NEK11: variants seen among roughly 807,000 people sequenced by gnomAD.
NEK11 encodes the protein NIMA related kinase 11, also known as serine/threonine-protein kinase Nek11.
A neutral mutation model predicts 80.7 loss-of-function variants in NEK11; 72 were observed. That is an observed-to-expected ratio of 0.89 (90% CI 0.74 to 1.08). NEK11 has a LOEUF of 1.08. Ranked by LOEUF, NEK11 falls within the 50% of genes least tolerant of loss-of-function variation. The pLI, the probability that NEK11 is intolerant of heterozygous loss-of-function variation, is 0.00. For synonymous variants in NEK11, 251 were observed against 260.7 expected (o/e 0.96, Z 0.36); for missense variants, 764 against 763.6 (o/e 1.00, Z -0.01).
chr3:131,163,028 T>G (rs539100655), intron 11 of NEK11, among the ~76,000 whole-genome samples: 1 of 152,196 alleles, frequency 6.6e-6, no homozygotes, highest in Admixed American at 6.5e-5. Flanking sequence ...CTCAGGGCGA[T>G]GTTGCTGGTG....
intron 5 of NEK11, among the ~76,000 whole-genome samples, chr3:131,115,445 G>C (rs1050192660): frequency 2.0e-5 from 3 of 152,068 alleles, no homozygotes; most frequent in African/African-American, 7.2e-5. Flanking sequence ...AGAAGACCCT[G>C]GAAACACTAA....
intron 17 of NEK11, among the ~76,000 whole-genome samples, chr3:131,324,877 C>T (rs1331520960): frequency 6.6e-6 from 1 of 152,178 alleles, no homozygotes; most frequent in Non-Finnish European, 1.5e-5. Context: ...TGGTACCTTA[C>T]AGGGATTTAA....
intron 15 of NEK11, among the ~76,000 whole-genome samples, chr3:131,232,871 G>T (rs540361452): frequency 9.2e-5 from 14 of 152,186 alleles, no homozygotes; most frequent in East Asian, 5.8e-4. Context: ...TGCATGCTGT[G>T]TCAGTTCAGG....
intron 11 of NEK11, among the ~76,000 whole-genome samples, chr3:131,164,876 T>A (rs1461850732): frequency 6.6e-6 from 1 of 152,192 alleles, no homozygotes; most frequent in African/African-American, 2.4e-5. Flanking sequence ...AACCTGAGTA[T>A]AAATTAGCCC....
At chr3:131,215,428 A>AT (rs930810788) in intron 14 of NEK11, among the ~76,000 whole-genome samples, 1 of 152,122 alleles carries the variant, frequency 6.6e-6, no homozygotes, top group African/African-American at 2.4e-5. Flanking sequence ...ATAACAAAAA[A>AT]ATATATAAAA....
At chr3:131,290,642 C>G (rs1488840480) in intron 17 of NEK11, among the ~76,000 whole-genome samples, 2 of 152,194 alleles carry the variant, frequency 1.3e-5, no homozygotes, top group Non-Finnish European at 2.9e-5. Context: ...CTGCCAGACT[C>G]TCTGTGACCC....
intron 3 of NEK11, among the ~76,000 whole-genome samples, chr3:131,050,258 C>T (rs1246465541): frequency 1.3e-5 from 2 of 152,200 alleles, no homozygotes; most frequent in Non-Finnish European, 2.9e-5. Context: ...AACAGATCAT[C>T]AGGAGATTGC....
intron 14 of NEK11, among the ~76,000 whole-genome samples, chr3:131,184,102 CA>C (rs2093494280): frequency 6.6e-6 from 1 of 152,158 alleles, no homozygotes; most frequent in Non-Finnish European, 1.5e-5. Flanking sequence ...TCTCTCAGCT[CA>C]AAATTCCATC....
At chr3:131,071,873 T>A (rs1168927485) in intron 3 of NEK11, among the ~76,000 whole-genome samples, 3 of 152,186 alleles carry the variant, frequency 2.0e-5, no homozygotes, top group Non-Finnish European at 2.9e-5. Flanking sequence ...TCTAAGTAAG[T>A]AAGACATAGC....
chr3:131,094,578 C>T (rs912877516), intron 4 of NEK11, among the ~76,000 whole-genome samples: 6 of 152,106 alleles, frequency 3.9e-5, no homozygotes, highest in Non-Finnish European at 7.4e-5. Flanking sequence ...GTGAAATGAG[C>T]GCCTCTACCA....
intron 16 of NEK11, among the ~76,000 whole-genome samples, chr3:131,245,466 AC>A (rs1484704915): frequency 1.3e-5 from 2 of 152,092 alleles, no homozygotes; most frequent in Non-Finnish European, 2.9e-5. Flanking sequence ...TTGGGTATAT[AC>A]CCAGTAGTGG....
At chr3:131,238,608 AC>A (rs1363889626) in intron 15 of NEK11, among the ~76,000 whole-genome samples, 1 of 152,080 alleles carries the variant, frequency 6.6e-6, no homozygotes, top group African/African-American at 2.4e-5. Context: ...CTAGAGATTG[AC>A]TTTTCAGCCA....
intron 17 of NEK11, among the ~76,000 whole-genome samples, chr3:131,303,735 G>T (rs533695216): frequency 1.3e-5 from 2 of 152,188 alleles, no homozygotes; most frequent in Non-Finnish European, 1.5e-5. Flanking sequence ...AGCCTGATGG[G>T]GTTCCCTTCG....
chr3:131,080,888 T>C (rs1428878677), intron 4 of NEK11, among the ~76,000 whole-genome samples: 1 of 152,104 alleles, frequency 6.6e-6, no homozygotes, highest in South Asian at 2.1e-4. Flanking sequence ...AGTGAGAGGA[T>C]TGCTAATCCA....
At chr3:131,196,080 T>G (rs2093999089) in intron 14 of NEK11, among the ~76,000 whole-genome samples, 2 of 151,782 alleles carry the variant, frequency 1.3e-5, no homozygotes, top group Non-Finnish European at 2.9e-5. Flanking sequence ...GAAAAATGAT[T>G]ATTAGTACAA....
chr3:131,063,076 G>T (rs1479314622), intron 3 of NEK11, among the ~76,000 whole-genome samples: 2 of 152,208 alleles, frequency 1.3e-5, no homozygotes, highest in African/African-American at 4.8e-5. Flanking sequence ...CCAGGCTAGA[G>T]TGCAGTGGCA....
intron 14 of NEK11, among the ~76,000 whole-genome samples, chr3:131,199,414 CAG>C (rs1200082634): frequency 6.6e-6 from 1 of 151,930 alleles, no homozygotes; most frequent in South Asian, 2.1e-4. Flanking sequence ...ATTTACAAGA[CAG>C]AATATACAAT....
At chr3:131,163,830 CA>C (rs1307264731) in intron 11 of NEK11, among the ~76,000 whole-genome samples, 1 of 152,012 alleles carries the variant, frequency 6.6e-6, no homozygotes, top group Non-Finnish European at 1.5e-5. Flanking sequence ...TGAAAAAATA[CA>C]TGTATAAAAA....
At chr3:131,040,266 A>G (rs1009516179) in intron 3 of NEK11, among the ~76,000 whole-genome samples, 1 of 152,072 alleles carries the variant, frequency 6.6e-6, no homozygotes, top group Non-Finnish European at 1.5e-5. Context: ...ACTTATTAGT[A>G]CAGTAGTGCT....
Sources: allele counts gnomAD v4.1 joint callset (sites outside exome capture counted in the v4.1 genomes callset), GRCh38; gene constraint gnomAD v4.1.1; transcripts MANE v1.5; gene names NCBI Gene and HGNC (gene_info 2026-07-23, HGNC 2026-07-21).